The following CFAP70 variants were observed in gnomAD, a reference collection of about 807,000 sequenced individuals.
The protein encoded by CFAP70 is cilia and flagella associated protein 70.
In CFAP70, 81 loss-of-function variants were observed where a neutral mutation model predicts 137.6. The observed-to-expected ratio is 0.59, with a 90% confidence interval of 0.49 to 0.71. CFAP70 has a LOEUF of 0.71. Ranked by LOEUF, CFAP70 falls within the 30% of genes least tolerant of loss-of-function variation. The probability of loss-of-function intolerance (pLI) is 0.00; values close to 1 mark genes in which losing one functional copy is unlikely to be tolerated. For synonymous variants in CFAP70, 382 were observed against 423.6 expected (o/e 0.90, Z 1.20); for missense variants, 976 against 1,226.7 (o/e 0.80, Z 3.05).
At chr10:73,285,355 C>T (rs1357042055) in intron 19 of CFAP70, among the ~76,000 whole-genome samples, 1 of 151,938 alleles carries the variant, frequency 6.6e-6, no homozygotes, top group Admixed American at 6.6e-5. Context: ...TATAAACCTA[C>T]AAAGATGAAG....
At chr10:73,298,601 G>C (rs1297653587) in intron 14 of CFAP70, among the ~76,000 whole-genome samples, 2 of 152,042 alleles carry the variant, frequency 1.3e-5, no homozygotes, top group Non-Finnish European at 2.9e-5. Flanking sequence ...ATTAATTATG[G>C]AGTCAGTACC....
intron 19 of CFAP70, among the ~76,000 whole-genome samples, chr10:73,280,646 T>C (rs1012663158): frequency 1.3e-5 from 2 of 152,194 alleles, no homozygotes; most frequent in African/African-American, 4.8e-5. Flanking sequence ...TACATTTTGT[T>C]AGTTTATGTC....
chr10:73,255,471 C>T (rs1476106981), intron 26 of CFAP70, among the ~76,000 whole-genome samples: 1 of 152,160 alleles, frequency 6.6e-6, no homozygotes, highest in Non-Finnish European at 1.5e-5. Context: ...ACAAGAATCA[C>T]TTGAACCGGG....
chr10:73,308,095 C>A (rs913800717), intron 12 of CFAP70, among the ~76,000 whole-genome samples: 1 of 151,682 alleles, frequency 6.6e-6, no homozygotes, highest in Non-Finnish European at 1.5e-5. Flanking sequence ...GCAGAGGTTG[C>A]GGTGAGCCAA....
intron 19 of CFAP70, among the ~76,000 whole-genome samples, chr10:73,282,099 G>GAGGCTGGGGAAGGCTGGGGA (rs139143992): frequency 1.6e-5 from 2 of 121,228 alleles, no homozygotes; most frequent in African/African-American, 7.2e-5. Context: ...CATCCATATT[G>GAGGCTGGGGAAGGCTGGGGA]AGGCTGGGGA....
At chr10:73,256,902 CAAAAAA>C (rs55805225) in intron 25 of CFAP70, among the ~76,000 whole-genome samples, 34 of 58,316 alleles carry the variant, frequency 5.8e-4, no homozygotes, top group African/African-American at 1.5e-3. Flanking sequence ...GACTCCATCT[CAAAAAA>C]AAAAAAAAAA....
chr10:73,319,678 T>A (rs1158329292), intron 9 of CFAP70, among the ~76,000 whole-genome samples: 1 of 152,204 alleles, frequency 6.6e-6, no homozygotes, highest in Non-Finnish European at 1.5e-5. Flanking sequence ...AGCCTTTCTT[T>A]CTATCACTGC....
chr10:73,354,600 A>G (rs2054527128), intron 2 of CFAP70, 134 bp downstream of exon 2: 1 of 711,780 alleles, frequency 1.4e-6, no homozygotes. Context: ...GACTAACAAT[A>G]AGGAACACTG....
intron 12 of CFAP70, among the ~76,000 whole-genome samples, chr10:73,306,348 T>G (rs2049374317): frequency 6.6e-6 from 1 of 151,984 alleles, no homozygotes; most frequent in South Asian, 2.1e-4. Context: ...TCCAAGAAAC[T>G]TAATAAACTC....
chr10:73,310,336 TAA>T, intron 11 of CFAP70, 87 bp from the exon 13 acceptor site: 1 of 845,460 alleles, frequency 1.2e-6, no homozygotes, highest in South Asian at 1.7e-5. Flanking sequence ...CACAATATAA[TAA>T]GTGAGAAAAC....
chr10:73,306,466 C>CA (rs1254396846), intron 12 of CFAP70, among the ~76,000 whole-genome samples: 2 of 152,066 alleles, frequency 1.3e-5, no homozygotes, highest in Non-Finnish European at 2.9e-5. Context: ...TGTGACTTGT[C>CA]ACATACAAGT....
At chr10:73,338,432 CT>C (rs976162527) in intron 6 of CFAP70, among the ~76,000 whole-genome samples, 267 of 108,534 alleles carry the variant, frequency 2.5e-3, no homozygotes, top group Middle Eastern at 7.9e-3. Context: ...ATGTGAATCT[CT>C]TTTTTTTTTT....
chr10:73,349,035 T>G (rs1003985407), intron 3 of CFAP70, among the ~76,000 whole-genome samples: 4 of 146,890 alleles, frequency 2.7e-5, no homozygotes, highest in African/African-American at 1.0e-4. Flanking sequence ...GCACCCAGCC[T>G]GGGCAACAAG....
At chr10:73,362,181 T>C (rs1203971901), upstream of CFAP70, among the ~76,000 whole-genome samples, 1 of 152,100 alleles carries the variant, frequency 6.6e-6, no homozygotes, top group Non-Finnish European at 1.5e-5. Flanking sequence ...TTTAAACAAA[T>C]GGTACAAGGA....
chr10:73,269,701 T>C (rs374418788), exon 25 of CFAP70: 1 of 1,612,652 alleles, frequency 6.2e-7, no homozygotes, highest in Non-Finnish European at 8.5e-7. Context: ...CCTCAGCCTC[T>C]GTGAGCTCCT....
At chr10:73,283,437 C>A (rs2047412362) in intron 19 of CFAP70, among the ~76,000 whole-genome samples, 1 of 152,042 alleles carries the variant, frequency 6.6e-6, no homozygotes. Context: ...TGAGACACAC[C>A]CAACTCTAAG....
At chr10:73,356,484 C>G (rs746214619) in intron 1 of CFAP70, among the ~76,000 whole-genome samples, 11 of 152,212 alleles carry the variant, frequency 7.2e-5, no homozygotes, top group Non-Finnish European at 1.5e-4. Context: ...AAGGCATGAG[C>G]CACTGTGCCT....
rs1009487800 is a variant in CFAP70, at chr10:73,324,860, T to C, written c.778-1763A>G. Among the ~76,000 whole-genome samples the C allele has an allele frequency of 1.7e-4, 26 of 152,300 alleles. No homozygotes were observed. The South Asian group carries it at 3.5e-3, about 21-fold the overall frequency. On this transcript the variant is annotated intron_variant, in intron 8 of 26. Transcript: ENST00000310715. ...GTGAAAAGACCAAATCTACGTCTGATTGGTGTACCTGAAAGTGACAGGGAG... is the reference window on the plus strand; with the variant it reads ...GTGAAAAGACCAAATCTACGTCTGACTGGTGTACCTGAAAGTGACAGGGAG...
intron 26 of CFAP70, 85 bp from the exon 28 acceptor site, chr10:73,254,140 T>A: frequency 8.9e-7 from 1 of 1,118,216 alleles, no homozygotes; most frequent in Non-Finnish European, 1.3e-6. Context: ...TTTGTGGGGC[T>A]ACGGCTAAAG....
Sources: allele counts gnomAD v4.1 joint callset (sites outside exome capture counted in the v4.1 genomes callset), GRCh38; gene constraint gnomAD v4.1.1; transcripts MANE v1.5; gene names NCBI Gene and HGNC (gene_info 2026-07-23, HGNC 2026-07-21).